Variants in TMEM132C observed in about 807,000 individuals in gnomAD.
TMEM132C encodes protein phosphatase 1, regulatory subunit 152.
A neutral mutation model predicts 61.4 loss-of-function variants in TMEM132C; 29 were observed. The observed-to-expected ratio is 0.47, with a 90% confidence interval of 0.35 to 0.64. TMEM132C has a LOEUF of 0.64. Ranked by LOEUF, TMEM132C falls within the 30% of genes least tolerant of loss-of-function variation. The pLI is 0.00. For synonymous variants in TMEM132C, 656 were observed against 633.1 expected, an observed-to-expected ratio of 1.04 and a Z score of -0.54; for missense variants, 1,408 against 1,476.9, an observed-to-expected ratio of 0.95 and a Z score of 0.76.
intron 2 of TMEM132C, among the ~76,000 whole-genome samples, chr12:128,506,691 C>T (rs1422178707): frequency 2.0e-5 from 3 of 152,120 alleles, no homozygotes; most frequent in Non-Finnish European, 2.9e-5. Flanking sequence ...TGGTAATGCC[C>T]GGCCTCCCCA....
chr12:128,503,190 C>T (rs11059725), intron 2 of TMEM132C, among the ~76,000 whole-genome samples: 1 of 152,328 alleles, frequency 6.6e-6, no homozygotes, highest in East Asian at 1.9e-4. Flanking sequence ...CTATCATTGA[C>T]CTCAATACAG....
At chr12:128,670,637 T>G (rs1954522961) in intron 5 of TMEM132C, among the ~76,000 whole-genome samples, 1 of 152,242 alleles carries the variant, frequency 6.6e-6, no homozygotes, top group Non-Finnish European at 1.5e-5. Flanking sequence ...CAGTCTTCCA[T>G]TGTGTTTATA....
rs796527453 is a variant in TMEM132C at position 128,618,169 on chromosome 12, G to A, written c.1305+1834G>A. On this transcript the variant is annotated intron_variant, in intron 4 of 8. Coordinates refer to ENST00000435159, the MANE Select transcript of TMEM132C (RefSeq NM_001136103.3). Reference sequence around the variant, plus strand: ...CTCTGGATTACAAGTGTTCAGTTTCGACCTATTTCAGAAGGATAAGACATT... The same window carrying A: ...CTCTGGATTACAAGTGTTCAGTTTCAACCTATTTCAGAAGGATAAGACATT... Among the ~76,000 whole-genome samples the A allele has an allele frequency of 9.9e-5, 15 of 152,200 alleles. No homozygotes were observed. In the South Asian group the frequency reaches 1.0e-3, roughly 11 times the overall value.
At chr12:128,351,607 G>A (rs1286342225) in intron 1 of TMEM132C, among the ~76,000 whole-genome samples, 1 of 152,006 alleles carries the variant, frequency 6.6e-6, no homozygotes, top group Non-Finnish European at 1.5e-5. Flanking sequence ...CCCTCAGGCT[G>A]CTTCCACTCA....
intron 1 of TMEM132C, among the ~76,000 whole-genome samples, chr12:128,301,648 A>G (rs1871598440): frequency 6.6e-6 from 1 of 152,158 alleles, no homozygotes; most frequent in Non-Finnish European, 1.5e-5. Flanking sequence ...AGAAATTTGC[A>G]AGGATTGGAG....
intron 2 of TMEM132C, among the ~76,000 whole-genome samples, chr12:128,491,377 C>T (rs761559999): frequency 1.1e-4 from 17 of 152,190 alleles, no homozygotes; most frequent in Non-Finnish European, 2.1e-4. Context: ...TTGCTTCCGG[C>T]GGCCCTGCCT....
chr12:128,415,283 G>A lies in TMEM132C; in HGVS notation c.637G>A (p.Gly213Arg), dbSNP rs753113900. ...SWFSAPTVGAGRKKSMDQPEG... is the reference protein window; with the variant it reads ...SWFSAPTVGARRKKSMDQPEG... The stretch of plus-strand genomic sequence containing the variant: ...GTTCAGTGCCCCGACGGTGGGTGCC[G>A]GGAGGAAGAAGTCCATGGACCAGCC... Residue 213 changes from glycine to arginine, a missense_variant, in exon 2 of 9, where the codon GGG (glycine) becomes AGG (arginine). By Grantham distance (125) the Gly-to-Arg change is moderately radical. Coordinates refer to ENST00000435159, the MANE Select transcript of TMEM132C (RefSeq NM_001136103.3). This position sits in a 1 kb window ranked among gnomAD's most constrained non-coding sequence, Gnocchi z 5.8. 16 of 1,597,536 alleles carry A rather than the reference G, an allele frequency of 1.0e-5. No individual in the cohort carries two copies. Among genetic ancestry groups the A allele is most frequent in the South Asian group, 5.6e-5 (5 of 88,602 alleles).
At chr12:128,665,645 C>A (rs111205212) in intron 4 of TMEM132C, among the ~76,000 whole-genome samples, 73 of 59,400 alleles carry the variant, frequency 1.2e-3, no homozygotes, top group South Asian at 6.8e-3. Flanking sequence ...ACACACACAC[C>A]CAGGCACATG....
rs569457410 is a variant in TMEM132C, at chr12:128,637,796, C to T, written c.1305+21461C>T. ...CTACAAACAGCCCAGTGGGATCCCA[C>T]AGTTGGCACAGCAGAAGCTCCCAGA... On this transcript the variant is annotated intron_variant, in intron 4 of 8. Transcript: ENST00000435159. Among the ~76,000 whole-genome samples the T allele has an allele frequency of 2.0e-5, 3 of 152,298 alleles. No homozygotes were observed. The South Asian group carries it at 6.2e-4, about 32-fold the overall frequency.
intron 1 of TMEM132C, among the ~76,000 whole-genome samples, chr12:128,391,249 G>A (rs1167230765): frequency 6.6e-6 from 1 of 152,200 alleles, no homozygotes; most frequent in African/African-American, 2.4e-5. Context: ...CCAGCAGGAT[G>A]GCCTTGGAGG....
At chr12:128,683,064 G>T (rs1954647983) in intron 5 of TMEM132C, among the ~76,000 whole-genome samples, 1 of 152,190 alleles carries the variant, frequency 6.6e-6, no homozygotes, top group Non-Finnish European at 1.5e-5. Context: ...GGTGCAGAGG[G>T]TGACCTGGGG....
chr12:128,436,900 C>T (rs1445480410), intron 2 of TMEM132C, among the ~76,000 whole-genome samples: 9 of 152,074 alleles, frequency 5.9e-5, no homozygotes, highest in Non-Finnish European at 1.2e-4. Flanking sequence ...CCAAACCAAA[C>T]GTCCGTCAAT....
chr12:128,546,527 G>A (rs976022912), intron 3 of TMEM132C, among the ~76,000 whole-genome samples: 2 of 152,120 alleles, frequency 1.3e-5, no homozygotes, highest in South Asian at 4.2e-4. Flanking sequence ...TGTGTTTGCT[G>A]TCTCAGTGGT....
At chr12:128,594,959 G>A (rs10047510) in intron 3 of TMEM132C, among the ~76,000 whole-genome samples, 1,839 of 152,294 alleles carry the variant, frequency 0.012, 45 homozygotes, top group African/African-American at 0.042. Context: ...CTAGCTGTCC[G>A]TCCCGGCTGC....
At chr12:128,425,664 C>G (rs148601642) in intron 2 of TMEM132C, among the ~76,000 whole-genome samples, 15 of 152,292 alleles carry the variant, frequency 9.8e-5, no homozygotes, top group African/African-American at 3.1e-4. Flanking sequence ...AGGCCATGCT[C>G]CCTCCGAAGG....
At chr12:128,289,163 C>T (rs1333643176) in intron 1 of TMEM132C, 1 of 151,330 alleles carries the variant, frequency 6.6e-6, no homozygotes, top group African/African-American at 2.4e-5. Context: ...CACGCTCATA[C>T]GCATGCACTC....
At chr12:128,347,440 C>CCTCTCTCTCTCTCTCTCTCTCT (rs1873204280) in intron 1 of TMEM132C, among the ~76,000 whole-genome samples, 1 of 97,370 alleles carries the variant, frequency 1.0e-5, no homozygotes, top group African/African-American at 5.8e-5. Flanking sequence ...TCTCTCTCTC[C>CCTCTCTCTCTCTCTCTCTCTCT]TTCTTTCTGA....
intron 1 of TMEM132C, among the ~76,000 whole-genome samples, chr12:128,382,509 T>C (rs988049081): frequency 1.5e-4 from 23 of 152,366 alleles, no homozygotes; most frequent in African/African-American, 5.5e-4. Flanking sequence ...ATGTGGCTAA[T>C]GGCTCAGTGT....
chr12:128,527,179 G>T (rs1873113724), intron 2 of TMEM132C, among the ~76,000 whole-genome samples: 1 of 152,162 alleles, frequency 6.6e-6, no homozygotes, highest in Admixed American at 6.5e-5. Context: ...AACCATGGAT[G>T]GTCGCTGTGT....
Sources: gnomAD v4.1 joint callset for allele counts (sites outside exome capture counted in the v4.1 genomes callset) on GRCh38, gnomAD v4.1.1 for gene constraint, Gnocchi (gnomAD v3.1) non-coding constraint, MANE v1.5 for transcripts, NCBI Gene and HGNC (gene_info 2026-07-23, HGNC 2026-07-21) for gene names.